DCAF17: variants seen among roughly 807,000 people sequenced by gnomAD.
DCAF17 encodes the protein DDB1 and CUL4 associated factor 17.
In DCAF17, 48 loss-of-function variants were observed where a neutral mutation model predicts 66.0. The ratio of observed to expected loss-of-function variants is 0.73; its 90% confidence interval spans 0.58 to 0.92. The LOEUF is 0.92. Ranked by LOEUF, DCAF17 falls within the 40% of genes least tolerant of loss-of-function variation. DCAF17 has a pLI of 0.00. For missense variants in DCAF17, 562 were observed against 622.8 expected, an observed-to-expected ratio of 0.90 and a Z score of 1.04; for synonymous variants, 206 against 214.6, an observed-to-expected ratio of 0.96 and a Z score of 0.35.
chr2:171,446,460 C>T (rs542245455), intron 3 of DCAF17, among the ~76,000 whole-genome samples: 4 of 152,052 alleles, frequency 2.6e-5, no homozygotes, highest in Admixed American at 6.6e-5. Flanking sequence ...GCAGGAGAAT[C>T]GCTTGAACCT....
Position 171,458,609 on chromosome 2 carries a change from T to C in DCAF17, c.838+132T>C, listed in dbSNP as rs1559274829. ...CAATTCATTTTACTCCTATACATCA[T>C]GTGCCTTGCTATTCAATAATGAATA... On this transcript the variant is annotated intron_variant, in intron 8 of 13. Coordinates refer to ENST00000375255, the MANE Select transcript of DCAF17 (RefSeq NM_025000.4). 5 of 707,302 alleles carry C rather than the reference T, an allele frequency of 7.1e-6. No homozygotes were observed. The East Asian group carries it at 1.4e-4, about 20-fold the overall frequency. 43.8% of individuals were successfully genotyped at this position (707,302 alleles called of 1,614,324 possible). A position where few individuals can be genotyped will look rare whatever the true frequency, so the allele number is the denominator to read the frequency against.
chr2:171,455,375 A>T (rs536007093), intron 6 of DCAF17, among the ~76,000 whole-genome samples: 2 of 152,268 alleles, frequency 1.3e-5, no homozygotes, highest in East Asian at 3.9e-4. Flanking sequence ...CCTGGTGTAT[A>T]TGTACAACAT....
At chr2:171,450,430 ATTT>A (rs199695390) in intron 5 of DCAF17, among the ~76,000 whole-genome samples, 1 of 150,680 alleles carries the variant, frequency 6.6e-6, no homozygotes, top group Admixed American at 6.6e-5. Context: ...TGATAGGTAG[ATTT>A]TTTTTTTCTG....
intron 12 of DCAF17, 62 bp from the exon 13 acceptor site, chr2:171,479,976 T>C: frequency 1.3e-6 from 2 of 1,572,118 alleles, no homozygotes; most frequent in Non-Finnish European, 1.7e-6. Context: ...AATACAGAAA[T>C]AAGCCTACCT....
intron 3 of DCAF17, among the ~76,000 whole-genome samples, chr2:171,444,603 A>C (rs1179653078): frequency 6.6e-6 from 1 of 152,224 alleles, no homozygotes; most frequent in African/African-American, 2.4e-5. Context: ...AAACACTTCT[A>C]GTCCCAAGTG....
Position 171,458,483 on chromosome 2 carries a change from G to GCTACT in DCAF17, c.838+10_838+14dup. 1 of 1,598,114 alleles carries GCTACT rather than the reference G, an allele frequency of 6.3e-7. No individual in the cohort carries two copies. The highest frequency in any genetic ancestry group is 8.6e-7 in the Non-Finnish European group (1 of 1,165,728). On this transcript the variant is annotated splice_region_variant and intron_variant, in intron 8 of 13. Coordinates refer to ENST00000375255, the MANE Select transcript of DCAF17 (RefSeq NM_025000.4). ...TTGTAATATTAAAATCACAGGTATG[G>GCTACT]CTACTCTATAGTATTTTTTCACCTT...
At chr2:171,450,851 T>C (rs567961274) in intron 5 of DCAF17, among the ~76,000 whole-genome samples, 3 of 152,230 alleles carry the variant, frequency 2.0e-5, no homozygotes, top group African/African-American at 7.2e-5. Flanking sequence ...TATCATCCCA[T>C]TTTACAGGTG....
intron 12 of DCAF17, 42 bp from the exon 13 acceptor site, chr2:171,479,996 G>T (rs1425719500): frequency 1.9e-6 from 3 of 1,606,934 alleles, no homozygotes; most frequent in Admixed American, 1.7e-5. Flanking sequence ...TGAATAACTG[G>T]ATTTTGCCCC....
intron 8 of DCAF17, among the ~76,000 whole-genome samples, 164 bp downstream of exon 8, chr2:171,458,641 G>A (rs374877117): frequency 3.9e-5 from 6 of 151,964 alleles, no homozygotes; most frequent in Middle Eastern, 3.2e-3. Context: ...AATAAGCTTC[G>A]AGGAAAATCT....
intron 8 of DCAF17, among the ~76,000 whole-genome samples, chr2:171,459,219 G>A (rs1695438526): frequency 6.6e-6 from 1 of 152,156 alleles, no homozygotes; most frequent in Admixed American, 6.5e-5. Flanking sequence ...GGCTGAGGCA[G>A]GAGAATAACT....
chr2:171,466,937 C>T (rs150645534), intron 8 of DCAF17, among the ~76,000 whole-genome samples: 12 of 145,848 alleles, frequency 8.2e-5, no homozygotes, highest in South Asian at 4.5e-4. Context: ...TATAATTTAC[C>T]AACTCATGCC....
chr2:171,444,013 AAAT>A lies in DCAF17; in HGVS notation c.321+403_321+405del, dbSNP rs1033175283. Among the ~76,000 whole-genome samples the A allele has an allele frequency of 9.5e-4, 144 of 152,312 alleles. 2 individuals carry two copies. The Middle Eastern group carries it at 0.014, about 14-fold the overall frequency. The stretch of plus-strand genomic sequence containing the variant: ...ATTTTACGTGTTAGGAAAATAATAA[AAAT>A]AAAATAATAGGATAAGCTCATTTCA... On this transcript the variant is annotated intron_variant, in intron 3 of 13. Coordinates refer to ENST00000375255, the MANE Select transcript of DCAF17 (RefSeq NM_025000.4).
chr2:171,476,338 A>G (rs1004624823), intron 10 of DCAF17, among the ~76,000 whole-genome samples: 1 of 152,208 alleles, frequency 6.6e-6, no homozygotes, highest in Admixed American at 6.5e-5. Context: ...AGAAAAAAGA[A>G]TAGTATTTTC....
At chr2:171,434,960 A>T in intron 1 of DCAF17, 123 bp from the exon 2 acceptor site, 1 of 998,744 alleles carries the variant, frequency 1.0e-6, no homozygotes, top group Non-Finnish European at 1.5e-6. Flanking sequence ...ATGAGGGCAG[A>T]GTGGAGGAAG....
intron 8 of DCAF17, among the ~76,000 whole-genome samples, chr2:171,463,237 A>T (rs1416063069): frequency 1.3e-5 from 2 of 151,908 alleles, no homozygotes; most frequent in Non-Finnish European, 2.9e-5. Context: ...AAAAAAAAAA[A>T]AAACAGAAAG....
Position 171,482,362 on chromosome 2 carries a change from A to ATT in DCAF17, c.*1257_*1258dup. The stretch of plus-strand genomic sequence containing the variant: ...GGATGATTTATATTAAAATCTTTCC[A>ATT]TTTTTTTTTTCAGTTTTGGCTTGAT... On this transcript the variant is annotated 3_prime_UTR_variant, in exon 14 of 14. Coordinates refer to ENST00000375255, the MANE Select transcript of DCAF17 (RefSeq NM_025000.4). 2.3e-6 allele frequency: 1 copy of ATT among 432,396 alleles called. No homozygotes were observed. Among genetic ancestry groups the ATT allele is most frequent in the Non-Finnish European group, 4.6e-6 (1 of 215,732 alleles). 26.8% of individuals were successfully genotyped at this position (432,396 alleles called of 1,614,324 possible).
At chr2:171,462,635 A>C (rs557112123) in intron 8 of DCAF17, among the ~76,000 whole-genome samples, 1 of 152,306 alleles carries the variant, frequency 6.6e-6, no homozygotes, top group African/African-American at 2.4e-5. Context: ...ATTTGTCAAT[A>C]TGACAGTTTG....
intron 6 of DCAF17, among the ~76,000 whole-genome samples, chr2:171,453,456 A>G (rs1299066739): frequency 6.6e-6 from 1 of 152,116 alleles, no homozygotes; most frequent in Non-Finnish European, 1.5e-5. Context: ...ACAAACTACT[A>G]TGTTATGAAA....
chr2:171,471,495 G>A (rs368372459), intron 9 of DCAF17, among the ~76,000 whole-genome samples: 4 of 152,224 alleles, frequency 2.6e-5, no homozygotes, highest in African/African-American at 7.2e-5. Flanking sequence ...TATAGTATGT[G>A]CATATTTTGT....
Sources: gnomAD v4.1 joint callset for allele counts (sites outside exome capture counted in the v4.1 genomes callset) on GRCh38, gnomAD v4.1.1 for gene constraint, MANE v1.5 for transcripts, NCBI Gene and HGNC (gene_info 2026-07-23, HGNC 2026-07-21) for gene names.